Variants in CAPN1 observed in about 807,000 individuals in gnomAD.
The protein encoded by CAPN1 is calpain 1.
CAPN1 carries 77 observed loss-of-function variants against 105.2 expected under a neutral mutation model. That is an observed-to-expected ratio of 0.73 (90% CI 0.61 to 0.88). The LOEUF is 0.88. CAPN1 is among the 40% of genes least tolerant of loss of function. CAPN1 has a pLI of 0.00. For missense variants in CAPN1, 833 were observed against 976.6 expected, an observed-to-expected ratio of 0.85 and a Z score of 1.96; for synonymous variants, 355 against 388.8, an observed-to-expected ratio of 0.91 and a Z score of 1.02.
chr11:65,210,986 C>T lies in CAPN1; in HGVS notation c.2118+114C>T. 1 of 992,268 alleles carries T rather than the reference C, an allele frequency of 1.0e-6. No homozygotes were observed. Among genetic ancestry groups the T allele is most frequent in the Non-Finnish European group, 1.6e-6 (1 of 627,130 alleles). The allele number at this position is 992,268 out of a possible 1,614,324, so 61.5% of individuals were successfully genotyped here. A position where few individuals can be genotyped will look rare whatever the true frequency, so the allele number is the denominator to read the frequency against. On this transcript the variant is annotated intron_variant, in intron 21 of 21. Transcript: ENST00000279247. The surrounding 1 kb of genome is among the most constrained non-coding windows in gnomAD (Gnocchi z 4.3). ...AATGAGCCTGGGCCTCAGAGCCAAC[C>T]CTGAAGCCCGGGCCACCTGAATCCT...
intron 10 of CAPN1, among the ~76,000 whole-genome samples, chr11:65,190,111 C>T (rs1274398905): frequency 2.0e-5 from 3 of 152,214 alleles, no homozygotes; most frequent in Non-Finnish European, 2.9e-5. Context: ...CATCTGTCAC[C>T]TCTCTCTCCA....
In CAPN1 at chr11:65,204,742, G is replaced by A. The variant is rs2137381392; in HGVS notation, c.1225G>A (p.Asp409Asn). ...GCTGGATGAGACGGATGACCCGGAC[G>A]ACTACGGGGACCGCGAGTCAGGCTG... ...IRLDETDDPDDYGDRESGCSF... is the reference protein window; with the variant it reads ...IRLDETDDPDNYGDRESGCSF... The change falls in exon 11 of 22, where the codon GAC (aspartate) becomes AAC (asparagine). Residue 409 changes from aspartate to asparagine, a missense_variant. Physicochemically the swap from Asp to Asn is conservative, Grantham distance 23. Coordinates refer to ENST00000279247, the MANE Select transcript of CAPN1 (RefSeq NM_005186.4). 2.5e-6 allele frequency: 4 copies of A among 1,613,176 alleles called. No homozygotes were observed. The highest frequency in any genetic ancestry group is 2.7e-5 in the African/African-American group (2 of 75,070).
At chr11:65,183,684 G>A in intron 4 of CAPN1, 92 bp downstream of exon 4, 2 of 841,186 alleles carry the variant, frequency 2.4e-6, no homozygotes, top group Non-Finnish European at 3.9e-6. Flanking sequence ...CACACCCTGT[G>A]GGGCCAGCCC....
chr11:65,188,692 T>C lies in CAPN1; in HGVS notation c.1111T>C (p.Tyr371His), dbSNP rs1006474497. 3.1e-6 allele frequency: 5 copies of C among 1,611,832 alleles called. No individual in the cohort carries two copies. Among genetic ancestry groups the C allele is most frequent in the Non-Finnish European group, 4.2e-6 (5 of 1,179,018 alleles). Residue 371 changes from tyrosine to histidine, a missense_variant, in exon 10 of 22, where the codon TAC (tyrosine) becomes CAC (histidine). By Grantham distance (83) the Tyr-to-His change is moderately conservative. Coordinates refer to ENST00000279247, the MANE Select transcript of CAPN1 (RefSeq NM_005186.4). The surrounding 1 kb of genome is among the most constrained non-coding windows in gnomAD (Gnocchi z 5.5). ...CATCCGCAAATGGAACACCACACTC[T>C]ACGAAGGCACCTGGCGGCGGGGGAG... ...RTIRKWNTTL[Y>H]EGTWRRGSTA...
At chr11:65,207,769 C>T (rs940641092) in intron 14 of CAPN1, among the ~76,000 whole-genome samples, 22 of 151,924 alleles carry the variant, frequency 1.4e-4, no homozygotes, top group Non-Finnish European at 2.4e-4. Flanking sequence ...AAAAATTAGC[C>T]GGGCATGGTG....
At chr11:65,189,227 G>T (rs1948686141) in intron 10 of CAPN1, among the ~76,000 whole-genome samples, 1 of 152,124 alleles carries the variant, frequency 6.6e-6, no homozygotes, top group Non-Finnish European at 1.5e-5. Flanking sequence ...CTCCATGTTG[G>T]CCAGGCTGGT....
intron 10 of CAPN1, 47 bp from the exon 11 acceptor site, chr11:65,204,636 C>A: frequency 6.3e-7 from 1 of 1,575,690 alleles, no homozygotes; most frequent in Non-Finnish European, 8.7e-7. Flanking sequence ...GGCCAATTGG[C>A]TCTGCCCCGC....
At position 65,182,595 on chromosome 11, in the gene CAPN1, G is replaced by C. The variant is rs562303029; in HGVS notation, c.-1-106G>C. ...GAGCAGTGAGGCAGGGAAACCCTAG[G>C]TTTGGGGATGGATAAGCAGGGGCAG... On this transcript the variant is annotated intron_variant, in intron 1 of 21. Coordinates refer to ENST00000279247, the MANE Select transcript of CAPN1 (RefSeq NM_005186.4). 13 of 1,282,912 alleles carry C rather than the reference G, an allele frequency of 1.0e-5. No homozygotes were observed. In the African/African-American group the frequency reaches 1.9e-4, roughly 19 times the overall value. The allele number at this position is 1,282,912 out of a possible 1,614,324, so 79.5% of individuals were successfully genotyped here.
At chr11:65,200,321 G>A (rs148056975) in intron 10 of CAPN1, among the ~76,000 whole-genome samples, 19 of 151,970 alleles carry the variant, frequency 1.3e-4, no homozygotes, top group Non-Finnish European at 2.6e-4. Context: ...GATTACAGGC[G>A]TGAGTCTGAG....
intron 10 of CAPN1, among the ~76,000 whole-genome samples, chr11:65,202,355 C>T (rs913698635): frequency 5.9e-5 from 9 of 152,154 alleles, no homozygotes; most frequent in African/African-American, 2.2e-4. Context: ...TACAAGTCAC[C>T]TATTTAAAGT....
chr11:65,210,919 C>A lies in CAPN1; in HGVS notation c.2118+47C>A. On this transcript the variant is annotated intron_variant, in intron 21 of 21. Coordinates refer to ENST00000279247, the MANE Select transcript of CAPN1 (RefSeq NM_005186.4). This position sits in a 1 kb window ranked among gnomAD's most constrained non-coding sequence, Gnocchi z 4.3. ...TGGTTGGGGAAGAGTTCCAGGCGAT[C>A]GAATTTTCTTATCTGGCCAGTGTTC... 2 of 1,499,614 alleles carry A rather than the reference C, an allele frequency of 1.3e-6. No individual in the cohort carries two copies. The highest frequency in any genetic ancestry group is 1.1e-5 in the South Asian group (1 of 88,746). The allele number at this position is 1,499,614 out of a possible 1,614,324, so 92.9% of individuals were successfully genotyped here.
chr11:65,206,567 C>T lies in CAPN1; in HGVS notation c.1458C>T (p.Arg486=). The part of the protein sequence containing the change: ...QFINLREVST[R]FRLPPGEYVV... ...TCAACCTGCGAGAGGTCAGCACCCGCTTCCGCCTGCCACCCGGGGAGTATG... is the reference window on the plus strand; with the variant it reads ...TCAACCTGCGAGAGGTCAGCACCCGTTTCCGCCTGCCACCCGGGGAGTATG... Residue 486 remains arginine, a synonymous_variant, in exon 13 of 22, where the codon CGC becomes CGT. Coordinates refer to ENST00000279247, the MANE Select transcript of CAPN1 (RefSeq NM_005186.4). 1.2e-6 allele frequency: 2 copies of T among 1,613,494 alleles called. No homozygotes were observed. Among genetic ancestry groups the T allele is most frequent in the Non-Finnish European group, 1.7e-6 (2 of 1,179,890 alleles).
At chr11:65,205,639 G>T (rs1212669652) in intron 11 of CAPN1, 71 bp from the exon 12 acceptor site, 1 of 1,481,050 alleles carries the variant, frequency 6.8e-7, no homozygotes, top group African/African-American at 1.4e-5. Context: ...CAAGACCTCT[G>T]CCCAGCATGC....
At chr11:65,185,531 G>A (rs947262028) in intron 4 of CAPN1, among the ~76,000 whole-genome samples, 1 of 151,860 alleles carries the variant, frequency 6.6e-6, no homozygotes, top group Admixed American at 6.6e-5. Context: ...ACAAAAGACA[G>A]TATTACAGGG....
intron 6 of CAPN1, 102 bp downstream of exon 6, chr11:65,186,440 C>A: frequency 9.5e-7 from 1 of 1,052,768 alleles, no homozygotes; most frequent in Non-Finnish European, 1.4e-6. Context: ...CAGACCCTGT[C>A]CTGCACTTAA....
chr11:65,205,799 A>AC, intron 12 of CAPN1, 78 bp downstream of exon 12: 1 of 1,368,480 alleles, frequency 7.3e-7, no homozygotes, highest in Non-Finnish European at 1.0e-6. Context: ...TGGCAAACCC[A>AC]CCCTGGCCTG....
At position 65,209,977 on chromosome 11, in the gene CAPN1, G is replaced by C; in HGVS notation, c.1864-41G>C. ...GCGGGCCGGGCAGGTGGGAAGGGCC[G>C]GGTGACTCAGCCTGGCCCTCACCCT... On this transcript the variant is annotated intron_variant, in intron 18 of 21. Coordinates refer to ENST00000279247, the MANE Select transcript of CAPN1 (RefSeq NM_005186.4). This position sits in a 1 kb window ranked among gnomAD's most constrained non-coding sequence, Gnocchi z 4.1. 1 of 1,610,062 alleles carries C rather than the reference G, an allele frequency of 6.2e-7. No homozygotes were observed. The highest frequency in any genetic ancestry group is 1.3e-5 in the African/African-American group (1 of 74,922).
intron 10 of CAPN1, among the ~76,000 whole-genome samples, chr11:65,202,531 C>T (rs552120952): frequency 8.7e-4 from 132 of 152,210 alleles, no homozygotes; most frequent in African/African-American, 3.1e-3. Context: ...CAACCTCTGT[C>T]TCCTGGGTTC....
At chr11:65,192,233 T>A (rs1252520930) in intron 10 of CAPN1, among the ~76,000 whole-genome samples, 1 of 152,018 alleles carries the variant, frequency 6.6e-6, no homozygotes, top group Non-Finnish European at 1.5e-5. Context: ...TGACCCCATT[T>A]AAAAAAAATA....
Sources: allele counts gnomAD v4.1 joint callset (sites outside exome capture counted in the v4.1 genomes callset), GRCh38; gene constraint gnomAD v4.1.1; non-coding constraint Gnocchi (gnomAD v3.1); transcripts MANE v1.5; gene names NCBI Gene and HGNC (gene_info 2026-07-23, HGNC 2026-07-21).